ADK: variants seen among roughly 807,000 people sequenced by gnomAD.
The protein encoded by ADK is adenosine kinase.
ADK carries 24 observed loss-of-function variants against 44.7 expected under a neutral mutation model. The observed-to-expected ratio is 0.54, with a 90% confidence interval of 0.39 to 0.76. The LOEUF is 0.76. Among genes scored for constraint, ADK ranks in the 30% least tolerant of loss-of-function variants. The pLI is 0.00. For synonymous variants in ADK, 128 were observed against 142.6 expected, an observed-to-expected ratio of 0.90 and a Z score of 0.73; for missense variants, 321 against 425.1, an observed-to-expected ratio of 0.76 and a Z score of 2.15.
At position 74,708,257 on chromosome 10, in the gene ADK, C is replaced by T. The variant is rs1290790825; in HGVS notation, c.965-64C>T. On this transcript the variant is annotated intron_variant, in intron 10 of 10. Transcript: ENST00000539909. ...GTGCTTAGATCATATATTGGTCTGA[C>T]CCAATATGACATTTCTGCTGCTGTT... The T allele has an allele frequency of 5.1e-6, 8 of 1,561,060 alleles. No individual in the cohort carries two copies. In the East Asian group the frequency reaches 1.4e-4, roughly 27 times the overall value.
intron 1 of ADK, among the ~76,000 whole-genome samples, chr10:74,184,227 A>C (rs1038204214): frequency 6.6e-6 from 1 of 152,134 alleles, no homozygotes; most frequent in African/African-American, 2.4e-5. Context: ...AGAGATTTTT[A>C]TTTTTTAAAT....
intron 6 of ADK, among the ~76,000 whole-genome samples, chr10:74,415,688 T>G (rs1844344601): frequency 6.6e-6 from 1 of 152,128 alleles, no homozygotes; most frequent in South Asian, 2.1e-4. Context: ...CTACCATCAC[T>G]GTAATCTAAT....
intron 6 of ADK, among the ~76,000 whole-genome samples, chr10:74,468,053 T>G (rs1055264176): frequency 1.3e-5 from 2 of 152,140 alleles, no homozygotes; most frequent in South Asian, 2.1e-4. Context: ...CAACTGTACT[T>G]CTCTTCTCAA....
At chr10:74,465,476 G>A (rs1349870289) in intron 6 of ADK, among the ~76,000 whole-genome samples, 9 of 152,084 alleles carry the variant, frequency 5.9e-5, no homozygotes, top group Admixed American at 5.9e-4. Context: ...TTGTGCAGAC[G>A]AGAAACATAA....
At chr10:74,478,144 A>G (rs961973092) in intron 6 of ADK, among the ~76,000 whole-genome samples, 1 of 152,150 alleles carries the variant, frequency 6.6e-6, no homozygotes, top group African/African-American at 2.4e-5. Context: ...CCTGGCTTCA[A>G]CCAATTCTAC....
chr10:74,351,673 C>T (rs1184661798), intron 4 of ADK, among the ~76,000 whole-genome samples: 11 of 152,110 alleles, frequency 7.2e-5, no homozygotes, highest in African/African-American at 2.2e-4. Flanking sequence ...AAAACCCCAT[C>T]GTCTCAGCCC....
chr10:74,239,273 T>C (rs1279660884), intron 3 of ADK, among the ~76,000 whole-genome samples: 1 of 152,170 alleles, frequency 6.6e-6, no homozygotes, highest in Non-Finnish European at 1.5e-5. Context: ...GTATAAATTG[T>C]TACTTGATGT....
chr10:74,218,872 T>C (rs891885384), intron 2 of ADK, among the ~76,000 whole-genome samples: 13 of 152,072 alleles, frequency 8.5e-5, no homozygotes, highest in African/African-American at 3.1e-4. Flanking sequence ...AAGGAAGCAC[T>C]AAACAAGGAA....
chr10:74,488,719 G>A (rs1277279056), intron 6 of ADK, among the ~76,000 whole-genome samples: 3 of 151,524 alleles, frequency 2.0e-5, no homozygotes, highest in Non-Finnish European at 4.4e-5. Flanking sequence ...AATGAAAACT[G>A]GACTTTTACG....
intron 1 of ADK, among the ~76,000 whole-genome samples, chr10:74,197,183 C>G (rs1356564171): frequency 6.6e-6 from 1 of 152,106 alleles, no homozygotes; most frequent in Admixed American, 6.5e-5. Flanking sequence ...CCCCAGGGAT[C>G]AATTCCACCC....
intron 9 of ADK, among the ~76,000 whole-genome samples, chr10:74,605,034 GCTCT>G (rs959033425): frequency 3.9e-4 from 59 of 152,086 alleles, no homozygotes; most frequent in African/African-American, 1.4e-3. Context: ...TCATGATTTG[GCTCT>G]CTGTTTGTCT....
rs984528582 is a variant in ADK at position 74,527,848 on chromosome 10, C to G, written c.726+2422C>G. ...CCTCTTGCTTCCAAGTGTCTTGAAG[C>G]TGCCAGCCAGATCTCTAACATACGT... On this transcript the variant is annotated intron_variant, in intron 7 of 10. Coordinates refer to ENST00000539909, the MANE Select transcript of ADK (RefSeq NM_006721.4). The G allele has an allele frequency of 7.5e-6, 8 of 1,069,102 alleles. No homozygotes were observed. In the Admixed American group the frequency reaches 1.4e-4, roughly 18 times the overall value. The allele number at this position is 1,069,102 out of a possible 1,614,324, so 66.2% of individuals were successfully genotyped here.
intron 6 of ADK, among the ~76,000 whole-genome samples, chr10:74,455,519 C>G (rs1564731666): frequency 6.7e-6 from 1 of 150,252 alleles, no homozygotes; most frequent in African/African-American, 2.4e-5. Flanking sequence ...AAATTCTTTT[C>G]TTTTTTTTTG....
chr10:74,214,843 C>T (rs1023097410), intron 2 of ADK, among the ~76,000 whole-genome samples: 3 of 152,096 alleles, frequency 2.0e-5, no homozygotes, highest in African/African-American at 4.8e-5. Context: ...TTAAATAATG[C>T]GCTGGACACT....
chr10:74,323,461 C>T (rs954548981), intron 4 of ADK, among the ~76,000 whole-genome samples: 8 of 152,186 alleles, frequency 5.3e-5, no homozygotes, highest in South Asian at 2.1e-4. Flanking sequence ...ATATAGTTCA[C>T]GTACAATTCA....
intron 3 of ADK, among the ~76,000 whole-genome samples, chr10:74,307,286 G>A (rs1343352460): frequency 6.6e-6 from 1 of 152,182 alleles, no homozygotes; most frequent in Non-Finnish European, 1.5e-5. Context: ...TTAGCATTCA[G>A]TTTCAGAATT....
intron 1 of ADK, among the ~76,000 whole-genome samples, chr10:74,161,948 T>G (rs1402563986): frequency 6.6e-6 from 1 of 152,146 alleles, no homozygotes; most frequent in Non-Finnish European, 1.5e-5. Flanking sequence ...CAAGCAGTCC[T>G]CCTGCCTCGG....
At chr10:74,194,590 A>G (rs949228679) in intron 1 of ADK, among the ~76,000 whole-genome samples, 1 of 152,244 alleles carries the variant, frequency 6.6e-6, no homozygotes, top group Non-Finnish European at 1.5e-5. Context: ...GTTTAAAATA[A>G]TATGATTTTG....
At chr10:74,267,790 GTGTC>G (rs1554835952) in intron 3 of ADK, among the ~76,000 whole-genome samples, 54 of 145,694 alleles carry the variant, frequency 3.7e-4, no homozygotes, top group African/African-American at 8.5e-4. Context: ...GTGTGTGTGT[GTGTC>G]TGTCTGTCTG....
Sources: allele counts gnomAD v4.1 joint callset (sites outside exome capture counted in the v4.1 genomes callset), GRCh38; gene constraint gnomAD v4.1.1; transcripts MANE v1.5; gene names NCBI Gene and HGNC (gene_info 2026-07-23, HGNC 2026-07-21).